ACLY: variants seen among roughly 807,000 people sequenced by gnomAD.
ACLY encodes ATP-citrate synthase.
In ACLY, 41 loss-of-function variants were observed where a neutral mutation model predicts 133.0. That is an observed-to-expected ratio of 0.31 (90% CI 0.24 to 0.40). The LOEUF is 0.40. Ranked by LOEUF, ACLY falls within the 10% of genes least tolerant of loss-of-function variation. The probability of loss-of-function intolerance (pLI) is 1.00; values close to 1 mark genes in which losing one functional copy is unlikely to be tolerated. For synonymous variants in ACLY, 495 were observed against 549.3 expected (o/e 0.90, Z 1.38); for missense variants, 1,046 against 1,453.8 (o/e 0.72, Z 4.56).
Position 41,912,390 on chromosome 17 carries a change from C to A in ACLY, c.282+30G>T, listed in dbSNP as rs1255384708. The A allele has an allele frequency of 1.0e-5, 16 of 1,607,530 alleles. No homozygotes were observed. The Admixed American group carries it at 2.4e-4, about 24-fold the overall frequency. On this transcript the variant is annotated intron_variant, in intron 3 of 28. Coordinates refer to ENST00000352035, the MANE Select transcript of ACLY (RefSeq NM_001096.3). ...GACCATATTTGCTTCTGTTACCACA[C>A]ACGTTCATCCTGACCCCATGCCCAC...
chr17:41,910,584 G>A (rs782686791), intron 3 of ACLY, among the ~76,000 whole-genome samples: 3 of 152,228 alleles, frequency 2.0e-5, no homozygotes, highest in Admixed American at 1.3e-4. Flanking sequence ...AACAAGTCAC[G>A]GCTGTGGCAG....
At chr17:41,913,343 C>CAAGCACG (rs1555633957) in intron 2 of ACLY, among the ~76,000 whole-genome samples, 1 of 152,236 alleles carries the variant, frequency 6.6e-6, no homozygotes, top group African/African-American at 2.4e-5. Flanking sequence ...TGCCAGGCAC[C>CAAGCACG]AAGCACGCTA....
At chr17:41,905,753 T>A (rs781931291) in intron 8 of ACLY, 95 bp from the exon 9 acceptor site, 2 of 1,499,298 alleles carry the variant, frequency 1.3e-6, no homozygotes, top group East Asian at 4.5e-5. Context: ...CTCAAAACAC[T>A]GGAGTTAGCC....
intron 11 of ACLY, among the ~76,000 whole-genome samples, chr17:41,900,224 G>A (rs186101299): frequency 2.0e-5 from 3 of 151,832 alleles, no homozygotes; most frequent in East Asian, 3.9e-4. Flanking sequence ...TTAGACAGGT[G>A]TGGTGGCAGA....
chr17:41,905,753 T>C (rs781931291), intron 8 of ACLY, 95 bp from the exon 9 acceptor site: 11 of 1,499,418 alleles, frequency 7.3e-6, no homozygotes, highest in Non-Finnish European at 9.2e-6. Flanking sequence ...CTCAAAACAC[T>C]GGAGTTAGCC....
rs2049441627 is a variant in ACLY at position 41,898,706 on chromosome 17, GTGGCCCAGGGCCA to G, written c.1250_1262del (p.Met417ThrfsTer129). 6.2e-7 allele frequency: 1 copy of G among 1,613,798 alleles called. No individual in the cohort carries two copies. The highest frequency in any genetic ancestry group is 8.5e-7 in the Non-Finnish European group (1 of 1,179,950). On this transcript the variant is annotated frameshift_variant, in exon 12 of 29. Coordinates refer to ENST00000352035, the MANE Select transcript of ACLY (RefSeq NM_001096.3). LOFTEE classifies it high-confidence loss of function. Reference sequence around the variant, plus strand: ...TGGGTGGCTGGTTGGGGATGGGCCGGTGGCCCAGGGCCATGCCCACAATGGCCGTCATGTGAGT... The same window carrying G: ...TGGGTGGCTGGTTGGGGATGGGCCGGTGCCCACAATGGCCGTCATGTGAGT...
intron 21 of ACLY, 81 bp from the exon 22 acceptor site, chr17:41,878,277 T>TAAC (rs2048814639): frequency 1.1e-5 from 10 of 894,104 alleles, no homozygotes; most frequent in Non-Finnish European, 1.5e-5. Context: ...ATGCTCTATC[T>TAAC]AACCCAAACA....
At chr17:41,915,663 C>T (rs1368160156) in intron 1 of ACLY, among the ~76,000 whole-genome samples, 2 of 152,144 alleles carry the variant, frequency 1.3e-5, no homozygotes, top group African/African-American at 4.8e-5. Context: ...ACTTGAGATT[C>T]CTTCTCAGTA....
At chr17:41,883,098 A>C in intron 20 of ACLY, 24 bp downstream of exon 20, 1 of 1,599,628 alleles carries the variant, frequency 6.3e-7, no homozygotes, top group Non-Finnish European at 8.6e-7. Flanking sequence ...CTCCCAGCCC[A>C]GAAGTGACCC....
rs1555625081 is a variant in ACLY, at chr17:41,871,721, G to T, written c.2905C>A (p.Leu969Met). 3 of 1,614,092 alleles carry T rather than the reference G, an allele frequency of 1.9e-6. No homozygotes were observed. The highest frequency in any genetic ancestry group is 2.5e-6 in the Non-Finnish European group (3 of 1,180,014). Residue 969 changes from leucine (L) to methionine (M), a missense_variant, in exon 25 of 29, where the codon CTG (leucine) becomes ATG (methionine). This residue lies in a region of ACLY where 205 missense variants were observed against 373.3 expected (regional missense o/e 0.55). Coordinates refer to ENST00000352035, the MANE Select transcript of ACLY (RefSeq NM_001096.3). ...FVNKMKKEGK[L>M]IMGIGHRVKS... ...ACTCGGTGACCAATGCCCATGATCA[G>T]CTTCCCTTCCTTCTTCATCTTGTTC...
At chr17:41,917,724 G>GT (rs1414924783) in intron 1 of ACLY, among the ~76,000 whole-genome samples, 1 of 152,162 alleles carries the variant, frequency 6.6e-6, no homozygotes, top group Non-Finnish European at 1.5e-5. Context: ...AATTCTGTGA[G>GT]TGCCCCTTAC....
chr17:41,883,338 G>A (rs2048968958), intron 19 of ACLY, 106 bp from the exon 20 acceptor site: 2 of 877,538 alleles, frequency 2.3e-6, no homozygotes, highest in East Asian at 2.6e-5. Flanking sequence ...AATAAAAGGA[G>A]TTTAATTTCA....
At chr17:41,902,398 G>C (rs2049566249) in intron 10 of ACLY, among the ~76,000 whole-genome samples, 1 of 152,166 alleles carries the variant, frequency 6.6e-6, no homozygotes, top group African/African-American at 2.4e-5. Context: ...ATTTTTAGTA[G>C]ATATGAGGCT....
Position 41,913,788 on chromosome 17 carries a change from A to C in ACLY, c.86T>G (p.Phe29Cys). 6.2e-7 allele frequency: 1 copy of C among 1,614,236 alleles called. No individual in the cohort carries two copies. Among genetic ancestry groups the C allele is most frequent in the South Asian group, 1.1e-5 (1 of 91,086 alleles). ...ICTTSAIQNR[F>C]KYARVTPDTD... The stretch of plus-strand genomic sequence containing the variant: ...GTCAGGAGTGACCCGAGCATACTTG[A>C]ACCGATTCTGGATGGCTGAGGTGGT... The change falls in exon 2 of 29, where the codon TTC (phenylalanine) becomes TGC (cysteine). Residue 29 changes from phenylalanine to cysteine, a missense_variant. This residue lies in a region of ACLY where 227 missense variants were observed against 245.6 expected (regional missense o/e 0.92). Coordinates refer to ENST00000352035, the MANE Select transcript of ACLY (RefSeq NM_001096.3).
At chr17:41,902,307 G>A (rs1460790689) in intron 10 of ACLY, among the ~76,000 whole-genome samples, 2 of 152,154 alleles carry the variant, frequency 1.3e-5, no homozygotes, top group Non-Finnish European at 2.9e-5. Flanking sequence ...TCTGCCTCCT[G>A]GGTTCAAGCG....
intron 7 of ACLY, 134 bp from the exon 8 acceptor site, chr17:41,906,780 A>T: frequency 1.3e-6 from 1 of 762,042 alleles, no homozygotes; most frequent in Non-Finnish European, 2.2e-6. Context: ...GGGGCTACGC[A>T]GGGCCCCACA....
At chr17:41,880,956 G>GT in intron 20 of ACLY, among the ~76,000 whole-genome samples, 1 of 151,764 alleles carries the variant, frequency 6.6e-6, no homozygotes, top group Admixed American at 6.6e-5. Flanking sequence ...AATGCGAGGT[G>GT]CTCACCCTCT....
intron 1 of ACLY, among the ~76,000 whole-genome samples, chr17:41,927,942 G>T (rs1348863756): frequency 2.0e-5 from 3 of 152,036 alleles, no homozygotes; most frequent in African/African-American, 4.8e-5. Flanking sequence ...TTCAAAACCA[G>T]CCTGGGCAAC....
At position 41,896,607 on chromosome 17, in the gene ACLY, G is replaced by A. The variant is rs1394499552; in HGVS notation, c.1459+13C>T. The A allele has an allele frequency of 1.3e-6, 2 of 1,556,462 alleles. No individual in the cohort carries two copies. The highest frequency in any genetic ancestry group is 1.4e-5 in the African/African-American group (1 of 72,566). ...GCCACACGCGGAGTGGGGGCAGGGT[G>A]GGGGCATCCTACCTTGCAGGGATCT... On this transcript the variant is annotated intron_variant, in intron 14 of 28. Coordinates refer to ENST00000352035, the MANE Select transcript of ACLY (RefSeq NM_001096.3).
Sources: allele counts gnomAD v4.1 joint callset (sites outside exome capture counted in the v4.1 genomes callset), GRCh38; gene constraint gnomAD v4.1.1; regional missense constraint gnomAD v4.1.1; transcripts MANE v1.5; gene names NCBI Gene and HGNC (gene_info 2026-07-23, HGNC 2026-07-21).